The following C12orf42 variants were observed in gnomAD, a reference collection of about 807,000 sequenced individuals.
The protein encoded by C12orf42 is uncharacterized protein C12orf42.
In C12orf42, 25 loss-of-function variants were observed where a neutral mutation model predicts 21.6. That is an observed-to-expected ratio of 1.16 (90% CI 0.84 to 1.62). The LOEUF (loss-of-function observed/expected upper bound fraction) is 1.62, where lower values mean the gene tolerates loss of function less well. C12orf42 is among the 40% of genes most tolerant of loss of function. C12orf42 has a pLI of 0.00. For synonymous variants in C12orf42, 174 were observed against 175.0 expected (o/e 0.99, Z 0.05); for missense variants, 483 against 459.3 (o/e 1.05, Z -0.47).
intron 10 of C12orf42, among the ~76,000 whole-genome samples, chr12:103,243,543 G>A (rs916347517): frequency 6.6e-6 from 1 of 151,856 alleles, no homozygotes; most frequent in Admixed American, 6.6e-5. Flanking sequence ...GTAATGCCCT[G>A]TTTTATTAAA....
the C12orf42 span, among the ~76,000 whole-genome samples, chr12:103,131,850 A>C: frequency 1.3e-5 from 2 of 151,932 alleles, no homozygotes; most frequent in South Asian, 4.2e-4. Flanking sequence ...GTTATTGATA[A>C]TGGTGTTGGT....
intron 3 of C12orf42, among the ~76,000 whole-genome samples, chr12:103,370,466 C>T: frequency 6.6e-6 from 1 of 152,078 alleles, no homozygotes; most frequent in Non-Finnish European, 1.5e-5. Context: ...ATAGCAAAGA[C>T]ATGGAGTCAA....
chr12:103,381,301 A>C (rs1041116198), intron 3 of C12orf42, among the ~76,000 whole-genome samples: 11 of 152,216 alleles, frequency 7.2e-5, no homozygotes, highest in African/African-American at 2.2e-4. Context: ...GGAATGTTCT[A>C]TAGAGCTGAG....
At chr12:103,481,677 C>T (rs146698794) in intron 1 of C12orf42, among the ~76,000 whole-genome samples, 1 of 151,436 alleles carries the variant, frequency 6.6e-6, no homozygotes. Flanking sequence ...TACCGTCTGA[C>T]AACCTTAACT....
chr12:103,375,374 G>A (rs967511157), intron 3 of C12orf42, among the ~76,000 whole-genome samples: 2 of 152,178 alleles, frequency 1.3e-5, no homozygotes, highest in South Asian at 4.1e-4. Context: ...CAGTGTTGTT[G>A]GAGTCTGTAA....
chr12:103,260,431 C>T (rs568820229), intron 10 of C12orf42, among the ~76,000 whole-genome samples: 5 of 152,282 alleles, frequency 3.3e-5, no homozygotes, highest in African/African-American at 1.2e-4. Context: ...ATACACCAAG[C>T]TTTGTATATT....
chr12:103,133,690 A>G, the C12orf42 span, among the ~76,000 whole-genome samples: 1 of 152,244 alleles, frequency 6.6e-6, no homozygotes, highest in Admixed American at 6.5e-5. Context: ...CCCAACTGAT[A>G]TGGCTTGGCT....
chr12:103,507,151 AAT>A, the C12orf42 span, among the ~76,000 whole-genome samples: 118 of 18,410 alleles, frequency 6.4e-3, 4 homozygotes, highest in African/African-American at 0.029. Context: ...ATATAATATA[AAT>A]ATATATATAT....
the C12orf42 span, among the ~76,000 whole-genome samples, chr12:103,543,253 T>C: frequency 1.3e-5 from 2 of 152,218 alleles, no homozygotes; most frequent in African/African-American, 4.8e-5. Flanking sequence ...GATGCAGTTC[T>C]CAGAATGTAT....
chr12:103,175,546 G>T, the C12orf42 span, among the ~76,000 whole-genome samples: 3 of 152,192 alleles, frequency 2.0e-5, no homozygotes, highest in African/African-American at 7.2e-5. Flanking sequence ...ATGTGGCCTC[G>T]ACTGCCAAAA....
the C12orf42 span, among the ~76,000 whole-genome samples, chr12:103,217,999 C>T: frequency 0.014 from 2,084 of 152,218 alleles, 19 homozygotes; most frequent in Non-Finnish European, 0.024. Context: ...ACGAAATCCT[C>T]GGCCAGGCAC....
the C12orf42 span, among the ~76,000 whole-genome samples, chr12:103,095,304 C>T: frequency 3.6e-3 from 546 of 152,322 alleles, 3 homozygotes; most frequent in Middle Eastern, 6.8e-3. Flanking sequence ...CAGGCCTTGC[C>T]TGTTCTGCCT....
At chr12:103,522,787 T>C in the C12orf42 span, among the ~76,000 whole-genome samples, 1 of 152,186 alleles carries the variant, frequency 6.6e-6, no homozygotes, top group South Asian at 2.1e-4. Flanking sequence ...TCCCAAAATA[T>C]ATTGCCTGCA....
chr12:103,293,341 C>T (rs1343969667), intron 4 of C12orf42, among the ~76,000 whole-genome samples: 1 of 151,954 alleles, frequency 6.6e-6, no homozygotes, highest in African/African-American at 2.4e-5. Flanking sequence ...TTGTAAGGAC[C>T]GTTTCCTCTA....
chr12:103,315,700 G>A (rs191943892), intron 4 of C12orf42, among the ~76,000 whole-genome samples: 164 of 152,258 alleles, frequency 1.1e-3, no homozygotes, highest in Middle Eastern at 3.4e-3. Flanking sequence ...CAAAACAGTA[G>A]ATCCAGACAT....
intron 10 of C12orf42, among the ~76,000 whole-genome samples, chr12:103,258,069 A>G (rs528203203): frequency 1.3e-5 from 2 of 152,286 alleles, no homozygotes; most frequent in Admixed American, 1.3e-4. Context: ...AGCTGTTTAA[A>G]ACAAGAAAGT....
intron 6 of C12orf42, among the ~76,000 whole-genome samples, chr12:103,269,199 A>G (rs2035318999): frequency 1.3e-5 from 2 of 152,322 alleles, no homozygotes; most frequent in Middle Eastern, 6.8e-3. Flanking sequence ...ATACTGGCTC[A>G]AAATATTCTA....
chr12:103,255,304 A>G (rs1198040620), intron 10 of C12orf42, among the ~76,000 whole-genome samples: 2 of 152,102 alleles, frequency 1.3e-5, no homozygotes, highest in African/African-American at 4.8e-5. Flanking sequence ...CCCAGGAGGC[A>G]GAGGTTGTAG....
intron 5 of C12orf42, among the ~76,000 whole-genome samples, chr12:103,270,648 T>C (rs2035417174): frequency 6.6e-6 from 1 of 151,292 alleles, no homozygotes; most frequent in African/African-American, 2.4e-5. Flanking sequence ...TACATATGTA[T>C]ACATGTGCCA....
Sources: allele counts gnomAD v4.1 joint callset (sites outside exome capture counted in the v4.1 genomes callset), GRCh38; gene constraint gnomAD v4.1.1; transcripts MANE v1.5; gene names NCBI Gene and HGNC (gene_info 2026-07-23, HGNC 2026-07-21).